GPSM2: variants seen among roughly 807,000 people sequenced by gnomAD.
The protein encoded by GPSM2 is G protein-signaling modulator 2.
Under a neutral mutation model 78.4 loss-of-function variants are expected in GPSM2, and 58 were observed. That is an observed-to-expected ratio of 0.74 (90% CI 0.60 to 0.92). The LOEUF is 0.92. GPSM2 is among the 40% of genes least tolerant of loss of function. The probability of loss-of-function intolerance (pLI) is 0.00; values close to 1 mark genes in which losing one functional copy is unlikely to be tolerated. For missense variants in GPSM2, 700 were observed against 815.5 expected (o/e 0.86, Z 1.73); for synonymous variants, 224 against 280.2 (o/e 0.80, Z 2.00).
At chr1:108,914,033 G>A (rs920145473) in intron 10 of GPSM2, among the ~76,000 whole-genome samples, 16 of 152,154 alleles carry the variant, frequency 1.1e-4, no homozygotes, top group Non-Finnish European at 2.4e-4. Flanking sequence ...GAAACTGTGT[G>A]GATAGTATAA....
At chr1:108,902,191 G>T (rs1171758742) in intron 8 of GPSM2, among the ~76,000 whole-genome samples, 2 of 152,050 alleles carry the variant, frequency 1.3e-5, no homozygotes, top group African/African-American at 2.4e-5. Flanking sequence ...CTCTTCAGAA[G>T]TCTTCCTGGT....
chr1:108,919,801 T>G (rs189311483), intron 12 of GPSM2, among the ~76,000 whole-genome samples: 2 of 152,338 alleles, frequency 1.3e-5, no homozygotes, highest in East Asian at 3.9e-4. Flanking sequence ...CAGGGAAATC[T>G]CGAATCCAGC....
rs367914389 is a variant in GPSM2 at position 108,930,890 on chromosome 1, C to CAAA, written c.*962_*964dup. On this transcript the variant is annotated 3_prime_UTR_variant, in exon 15 of 15. Coordinates refer to ENST00000264126, the MANE Select transcript of GPSM2 (RefSeq NM_013296.5). ...TGAGTGACAGAGCAAGACTCTGTCT[C>CAAA]AAAAAAAAAAAAAACAGCAAGCATG... 3.1e-5 allele frequency: 4 copies of CAAA among 128,552 alleles called. No homozygotes were observed. Among genetic ancestry groups the CAAA allele is most frequent in the African/African-American group, 8.1e-5 (3 of 37,104 alleles). The allele number at this position is 128,552 out of a possible 1,614,324, so 8.0% of individuals were successfully genotyped here.
intron 2 of GPSM2, among the ~76,000 whole-genome samples, chr1:108,894,215 G>A (rs180794010): frequency 3.0e-4 from 46 of 152,082 alleles, no homozygotes; most frequent in Non-Finnish European, 5.9e-4. Flanking sequence ...TTTTTGGAAG[G>A]CAAAAATAGG....
At chr1:108,909,406 G>A (rs556451906) in intron 10 of GPSM2, among the ~76,000 whole-genome samples, 29 of 152,186 alleles carry the variant, frequency 1.9e-4, no homozygotes, top group African/African-American at 6.0e-4. Flanking sequence ...CACATGCTCT[G>A]AGCACGGTGC....
chr1:108,901,702 C>A, intron 7 of GPSM2, 88 bp from the exon 8 acceptor site: 3 of 956,364 alleles, frequency 3.1e-6, no homozygotes, highest in Non-Finnish European at 3.4e-6. Context: ...CAGAAAGCAG[C>A]AGAGAGGAAA....
At chr1:108,918,514 T>C (rs1053859901) in intron 11 of GPSM2, 99 bp from the exon 12 acceptor site, 1 of 866,906 alleles carries the variant, frequency 1.2e-6, no homozygotes. Flanking sequence ...CCCCCAATAG[T>C]AAATAAGTGA....
In GPSM2 at chr1:108,908,852, T is replaced by A. The variant is rs531572181; in HGVS notation, c.1192+4598T>A. On this transcript the variant is annotated intron_variant, in intron 10 of 14. Transcript: ENST00000264126. ...ACCGCCATCTCTCCAAAAAATTTTT[T>A]AATTATCCGTGCATGGTGGCATGAG... Among the ~76,000 whole-genome samples the A allele has an allele frequency of 3.1e-4, 47 of 151,154 alleles. 1 individual carries two copies. The South Asian group carries it at 9.2e-3, about 30-fold the overall frequency.
chr1:108,911,678 C>T (rs1649752993), intron 10 of GPSM2, among the ~76,000 whole-genome samples: 1 of 151,966 alleles, frequency 6.6e-6, no homozygotes, highest in African/African-American at 2.4e-5. Flanking sequence ...ATAACAAGGC[C>T]TCAACGTACA....
At chr1:108,904,276 A>T (rs1311076118) in intron 10 of GPSM2, 22 bp downstream of exon 10, 1 of 1,488,774 alleles carries the variant, frequency 6.7e-7, no homozygotes. Context: ...GACTTTTAAA[A>T]CCCAATTTTT....
intron 10 of GPSM2, among the ~76,000 whole-genome samples, chr1:108,904,741 C>G (rs918870590): frequency 9.9e-5 from 15 of 151,736 alleles, no homozygotes; most frequent in African/African-American, 3.4e-4. Context: ...CTAAGATACT[C>G]TCTTTATTTT....
At chr1:108,928,919 A>T (rs1003751297) in intron 14 of GPSM2, among the ~76,000 whole-genome samples, 1 of 150,844 alleles carries the variant, frequency 6.6e-6, no homozygotes, top group African/African-American at 2.4e-5. Flanking sequence ...AACCTGAAAG[A>T]TGGAGGTTGC....
At position 108,904,091 on chromosome 1, in the gene GPSM2, A is replaced by G. The variant is rs371413768; in HGVS notation, c.1063-34A>G. 172 of 1,479,156 alleles carry G rather than the reference A, an allele frequency of 1.2e-4. 1 individual carries two copies. The Middle Eastern group carries it at 1.7e-3, about 15-fold the overall frequency. 91.6% of individuals were successfully genotyped at this position (1,479,156 alleles called of 1,614,324 possible). Reference sequence around the variant, plus strand: ...AATCTTCACCATTCTTTCTCTTTAAATACTACTCTAAAATATAAATGTTTG... The same window carrying G: ...AATCTTCACCATTCTTTCTCTTTAAGTACTACTCTAAAATATAAATGTTTG... On this transcript the variant is annotated intron_variant, in intron 9 of 14. Transcript: ENST00000264126.
At chr1:108,902,846 CCTATCCTTGAGAT>C (rs746651428) in intron 8 of GPSM2, among the ~76,000 whole-genome samples, 5 of 152,104 alleles carry the variant, frequency 3.3e-5, no homozygotes, top group Non-Finnish European at 7.4e-5. Flanking sequence ...GACCAGAATA[CCTATCCTTGAGAT>C]TTATTACTTT....
chr1:108,885,520 T>G lies in GPSM2; in HGVS notation c.-3T>G. On this transcript the variant is annotated 5_prime_UTR_variant, in exon 2 of 15. Transcript: ENST00000264126. Reference sequence around the variant, plus strand: ...TATTTTATTCAGCTTATAATATGACTCGATGGAGGAAAATTTGATAAGCAT... The same window carrying G: ...TATTTTATTCAGCTTATAATATGACGCGATGGAGGAAAATTTGATAAGCAT... 3 of 1,519,662 alleles carry G rather than the reference T, an allele frequency of 2.0e-6. No individual in the cohort carries two copies. Among genetic ancestry groups the G allele is most frequent in the Non-Finnish European group, 2.7e-6 (3 of 1,094,374 alleles). The allele number at this position is 1,519,662 out of a possible 1,614,324, so 94.1% of individuals were successfully genotyped here.
chr1:108,894,860 T>A (rs1393101226), intron 2 of GPSM2, among the ~76,000 whole-genome samples: 1 of 152,210 alleles, frequency 6.6e-6, no homozygotes, highest in African/African-American at 2.4e-5. Context: ...CCTTTACAAT[T>A]GGCTCAGTTT....
intron 12 of GPSM2, among the ~76,000 whole-genome samples, chr1:108,919,383 C>A (rs1650530158): frequency 6.6e-6 from 1 of 152,136 alleles, no homozygotes; most frequent in South Asian, 2.1e-4. Flanking sequence ...CCCAGTAAAA[C>A]CACCCTCTAC....
intron 13 of GPSM2, among the ~76,000 whole-genome samples, chr1:108,923,139 C>G (rs1038935261): frequency 2.4e-4 from 36 of 152,050 alleles, no homozygotes; most frequent in Non-Finnish European, 5.9e-5. Flanking sequence ...CTCAAGTGAT[C>G]CTCCTACCTC....
chr1:108,917,663 T>A (rs11804980), intron 11 of GPSM2, among the ~76,000 whole-genome samples: 4,734 of 78,938 alleles, frequency 0.06, 464 homozygotes, highest in African/African-American at 0.15. Context: ...TATATATATA[T>A]ATAAATGAGT....
Sources: gnomAD v4.1 joint callset for allele counts (sites outside exome capture counted in the v4.1 genomes callset) on GRCh38, gnomAD v4.1.1 for gene constraint, MANE v1.5 for transcripts, NCBI Gene and HGNC (gene_info 2026-07-23, HGNC 2026-07-21) for gene names.